Variants in PTPRQ observed in about 807,000 individuals in gnomAD.
PTPRQ encodes protein tyrosine phosphatase receptor type Q.
Under a neutral mutation model 246.0 loss-of-function variants are expected in PTPRQ, and 199 were observed. That is an observed-to-expected ratio of 0.81 (90% CI 0.72 to 0.91). The LOEUF is 0.91. PTPRQ is among the 40% of genes least tolerant of loss of function. PTPRQ has a pLI of 0.00. For missense variants in PTPRQ, 2,624 were observed against 2,528.4 expected, an observed-to-expected ratio of 1.04 and a Z score of -0.81; for synonymous variants, 869 against 853.2, an observed-to-expected ratio of 1.02 and a Z score of -0.32.
chr12:80,534,439 T>G (rs1460089758), intron 18 of PTPRQ, among the ~76,000 whole-genome samples: 1 of 152,066 alleles, frequency 6.6e-6, no homozygotes, highest in Non-Finnish European at 1.5e-5. Flanking sequence ...AGTTTATATT[T>G]TTAAAAGCAC....
chr12:80,632,382 T>G, intron 34 of PTPRQ, 91 bp downstream of exon 34: 1 of 1,481,070 alleles, frequency 6.8e-7, no homozygotes, highest in South Asian at 1.3e-5. Context: ...CAACAGTTAC[T>G]TGAATGGGAA....
At chr12:80,516,112 A>T (rs1344554997) in intron 17 of PTPRQ, among the ~76,000 whole-genome samples, 1 of 152,168 alleles carries the variant, frequency 6.6e-6, no homozygotes, top group African/African-American at 2.4e-5. Flanking sequence ...AAATAAATGG[A>T]TTTCTATTGG....
Position 80,597,559 on chromosome 12 carries a change from C to A in PTPRQ, c.4610-7500C>A, listed in dbSNP as rs186071281. On this transcript the variant is annotated intron_variant, in intron 26 of 44. Transcript: ENST00000644991. The stretch of plus-strand genomic sequence containing the variant: ...ATTACCAGCTCCCAAACTTCCTTTA[C>A]ATCTACTTCCCTAGTCTTCACAGAA... 3.1e-3 allele frequency among the ~76,000 whole-genome samples: 474 copies of A among 152,156 alleles called. 1 individual carries two copies. Among genetic ancestry groups the A allele is most frequent in the African/African-American group, 1.0e-2 (414 of 41,546 alleles).
chr12:80,588,465 C>A lies in PTPRQ; in HGVS notation c.4609+13C>A. ...ACTCTGCCTGGCCGTGAGTATTGTC[C>A]TGACATGTACATACTGATTTCTGTT... On this transcript the variant is annotated intron_variant, in intron 26 of 44. Transcript: ENST00000644991. 6.9e-7 allele frequency: 1 copy of A among 1,455,362 alleles called. No homozygotes were observed. The highest frequency in any genetic ancestry group is 1.5e-5 in the South Asian group (1 of 65,626). The allele number at this position is 1,455,362 out of a possible 1,614,324, so 90.2% of individuals were successfully genotyped here. A position where few individuals can be genotyped will look rare whatever the true frequency, so the allele number is the denominator to read the frequency against.
chr12:80,497,523 G>C, intron 14 of PTPRQ, among the ~76,000 whole-genome samples: 1 of 152,126 alleles, frequency 6.6e-6, no homozygotes, highest in East Asian at 1.9e-4. Context: ...GTACTAGTCC[G>C]TGGCGCTGGG....
At position 80,459,473 on chromosome 12, in the gene PTPRQ, C is replaced by T; in HGVS notation, c.650C>T (p.Pro217Leu). The T allele has an allele frequency of 2.5e-6, 1 of 398,268 alleles. No individual in the cohort carries two copies. Among genetic ancestry groups the T allele is most frequent in the Non-Finnish European group, 4.4e-6 (1 of 225,900 alleles). 24.7% of individuals were successfully genotyped at this position (398,268 alleles called of 1,614,324 possible). The change falls in exon 5 of 45, where the codon CCA (proline) becomes CTA (leucine). Residue 217 changes from proline to leucine, a missense_variant. Coordinates refer to ENST00000644991, the MANE Select transcript of PTPRQ (RefSeq NM_001145026.2). ...RVEDILTGKL[P>L]ECNENSESFL... is the part of the protein sequence containing the mutation. Reference sequence around the variant, plus strand: ...GAGGACATTTTGACTGGGAAATTGCCAGAATGCAATGTAAGTATCACAGAA... The same window carrying T: ...GAGGACATTTTGACTGGGAAATTGCTAGAATGCAATGTAAGTATCACAGAA...
Position 80,643,390 on chromosome 12 carries a change from T to A in PTPRQ, c.5916-5507T>A, listed in dbSNP as rs1328253279. 1.3e-5 allele frequency among the ~76,000 whole-genome samples: 2 copies of A among 150,888 alleles called. 1 individual carries two copies. The highest frequency in any genetic ancestry group is 3.9e-4 in the East Asian group (2 of 5,082). ...GAGGCAGAGGTTGCAATGAGCCGAG[T>A]TTGCACCATTGCACTCCAGCCTGGG... is the stretch of plus-strand genomic sequence containing the variant. On this transcript the variant is annotated intron_variant, in intron 35 of 44. Coordinates refer to ENST00000644991, the MANE Select transcript of PTPRQ (RefSeq NM_001145026.2).
At chr12:80,471,023 G>T (rs1592547189) in intron 7 of PTPRQ, among the ~76,000 whole-genome samples, 1 of 152,282 alleles carries the variant, frequency 6.6e-6, no homozygotes, top group Non-Finnish European at 1.5e-5. Flanking sequence ...CACAAATTAA[G>T]ATGGTAGCCT....
intron 35 of PTPRQ, among the ~76,000 whole-genome samples, chr12:80,643,164 G>C (rs1298898494): frequency 3.3e-5 from 5 of 151,988 alleles, no homozygotes; most frequent in Non-Finnish European, 7.4e-5. Flanking sequence ...ATGGCCAGGC[G>C]CGGTGGCTCA....
At position 80,460,670 on chromosome 12, in the gene PTPRQ, T is replaced by A; in HGVS notation, c.678T>A (p.Phe226Leu). The A allele has an allele frequency of 2.5e-6, 1 of 398,772 alleles. No homozygotes were observed. The highest frequency in any genetic ancestry group is 4.4e-6 in the Non-Finnish European group (1 of 226,082). The allele number at this position is 398,772 out of a possible 1,614,324, so 24.7% of individuals were successfully genotyped here. A position where few individuals can be genotyped will look rare whatever the true frequency, so the allele number is the denominator to read the frequency against. ...TTTACTAGGAGAATAGTGAATCTTTTTTATGGAGTACAGCCAGCCCTTCTC... is the reference window on the plus strand; with the variant it reads ...TTTACTAGGAGAATAGTGAATCTTTATTATGGAGTACAGCCAGCCCTTCTC... The part of the protein sequence containing the change: ...LPECNENSES[F>L]LWSTASPSPT... The change falls in exon 6 of 45, where the codon TTT (phenylalanine) becomes TTA (leucine). Residue 226 changes from phenylalanine (F) to leucine (L), a missense_variant. Physicochemically the swap from Phe to Leu is conservative, Grantham distance 22. Coordinates refer to ENST00000644991, the MANE Select transcript of PTPRQ (RefSeq NM_001145026.2).
At chr12:80,460,287 A>T (rs559241239) in intron 5 of PTPRQ, among the ~76,000 whole-genome samples, 39 of 152,328 alleles carry the variant, frequency 2.6e-4, no homozygotes, top group African/African-American at 9.4e-4. Context: ...AAAGTTCATT[A>T]ACAGTAAGAA....
chr12:80,455,650 G>T (rs1892955109), intron 3 of PTPRQ, among the ~76,000 whole-genome samples: 1 of 150,322 alleles, frequency 6.7e-6, no homozygotes. Context: ...GAGTGCAGTG[G>T]CCCGATCTCG....
chr12:80,678,073 C>G (rs1901202135), intron 43 of PTPRQ, among the ~76,000 whole-genome samples: 1 of 152,130 alleles, frequency 6.6e-6, no homozygotes, highest in African/African-American at 2.4e-5. Context: ...CAATGACCCA[C>G]TGCCTTGTAT....
intron 33 of PTPRQ, among the ~76,000 whole-genome samples, chr12:80,627,474 T>A (rs1899250708): frequency 6.6e-6 from 1 of 151,640 alleles, no homozygotes; most frequent in Admixed American, 6.6e-5. Context: ...TTTATATGCA[T>A]CTTTATCAGG....
At chr12:80,638,136 C>T (rs1346725809) in intron 35 of PTPRQ, among the ~76,000 whole-genome samples, 3 of 151,754 alleles carry the variant, frequency 2.0e-5, no homozygotes, top group African/African-American at 4.8e-5. Flanking sequence ...GGCATGGTGG[C>T]GCATGCCTGT....
intron 8 of PTPRQ, 111 bp from the exon 9 acceptor site, chr12:80,484,322 T>C: frequency 3.1e-6 from 4 of 1,309,240 alleles, no homozygotes; most frequent in Non-Finnish European, 2.0e-6. Context: ...TGTTTTCTAA[T>C]AGAATTGTTT....
chr12:80,638,911 T>G (rs1179786593), intron 35 of PTPRQ, among the ~76,000 whole-genome samples: 1 of 152,226 alleles, frequency 6.6e-6, no homozygotes, highest in Non-Finnish European at 1.5e-5. Flanking sequence ...ATGTAACATT[T>G]TGGGCTCATC....
intron 25 of PTPRQ, among the ~76,000 whole-genome samples, chr12:80,550,733 T>C (rs1277493995): frequency 6.6e-6 from 1 of 152,130 alleles, no homozygotes; most frequent in Non-Finnish European, 1.5e-5. Context: ...CTACTTTGTT[T>C]GTCTATAAAT....
At chr12:80,649,061 A>G (rs1285501030) in intron 36 of PTPRQ, 138 bp downstream of exon 36, 2 of 776,668 alleles carry the variant, frequency 2.6e-6, no homozygotes, top group Non-Finnish European at 3.7e-6. Context: ...TCATAAAAGC[A>G]TGACTAATTG....
Sources: allele counts gnomAD v4.1 joint callset (sites outside exome capture counted in the v4.1 genomes callset), GRCh38; gene constraint gnomAD v4.1.1; transcripts MANE v1.5; gene names NCBI Gene and HGNC (gene_info 2026-07-23, HGNC 2026-07-21).